ACBD6: variants seen among roughly 807,000 people sequenced by gnomAD.
ACBD6 encodes the protein acyl-CoA-binding domain-containing protein 6.
In ACBD6, 28 loss-of-function variants were observed where a neutral mutation model predicts 37.2. That is an observed-to-expected ratio of 0.75 (90% CI 0.56 to 1.03). ACBD6 has a LOEUF of 1.03. Among genes scored for constraint, ACBD6 ranks in the 50% least tolerant of loss-of-function variants. The pLI is 0.00. For synonymous variants in ACBD6, 113 were observed against 126.8 expected (o/e 0.89, Z 0.73); for missense variants, 340 against 337.4 (o/e 1.01, Z -0.06).
At chr1:180,370,622 A>G (rs774774718) in intron 6 of ACBD6, among the ~76,000 whole-genome samples, 16 of 152,176 alleles carry the variant, frequency 1.1e-4, no homozygotes, top group Non-Finnish European at 2.4e-4. Context: ...ATATACATAT[A>G]AAGTGTATTC....
intron 4 of ACBD6, among the ~76,000 whole-genome samples, chr1:180,426,150 T>C (rs1253571504): frequency 6.6e-6 from 1 of 152,194 alleles, no homozygotes; most frequent in Non-Finnish European, 1.5e-5. Context: ...ATCATTTCAG[T>C]TGTATACTAG....
intron 4 of ACBD6, among the ~76,000 whole-genome samples, chr1:180,414,107 A>G (rs1262887762): frequency 6.6e-6 from 1 of 152,216 alleles, no homozygotes; most frequent in East Asian, 1.9e-4. Context: ...AGTTCTTAAC[A>G]TGACATCTAT....
At chr1:180,288,200 C>A (rs971077878), downstream of ACBD6, 5 of 927,048 alleles carry the variant, frequency 5.4e-6, no homozygotes, top group African/African-American at 5.0e-5. Flanking sequence ...AGAATGTATG[C>A]AAGAAGAATG....
chr1:180,396,116 T>C (rs777440391), intron 6 of ACBD6, among the ~76,000 whole-genome samples: 34 of 151,904 alleles, frequency 2.2e-4, no homozygotes, highest in Non-Finnish European at 4.4e-4. Context: ...AAATAGAAAG[T>C]AGAATGGTAG....
chr1:180,448,049 C>T (rs1251430369), intron 3 of ACBD6, among the ~76,000 whole-genome samples: 1 of 152,132 alleles, frequency 6.6e-6, no homozygotes, highest in East Asian at 1.9e-4. Context: ...TAATAATTTG[C>T]AAAATGCAAA....
At chr1:180,373,481 TGC>T (rs1558271196) in intron 6 of ACBD6, among the ~76,000 whole-genome samples, 1 of 152,194 alleles carries the variant, frequency 6.6e-6, no homozygotes, top group Non-Finnish European at 1.5e-5. Context: ...AGCTGGCTAA[TGC>T]ATAAAATGCA....
intron 6 of ACBD6, among the ~76,000 whole-genome samples, chr1:180,389,074 T>C (rs1377160789): frequency 1.3e-5 from 2 of 152,210 alleles, no homozygotes. Flanking sequence ...TTCATATGTA[T>C]ACATGTGCCA....
chr1:180,410,799 A>G (rs540565784), intron 5 of ACBD6, among the ~76,000 whole-genome samples: 1 of 152,348 alleles, frequency 6.6e-6, no homozygotes, highest in South Asian at 2.1e-4. Context: ...TTTGCAGTCC[A>G]TGGATCAAGG....
intron 5 of ACBD6, among the ~76,000 whole-genome samples, chr1:180,407,575 C>T (rs180946517): frequency 1.3e-5 from 2 of 152,284 alleles, no homozygotes; most frequent in East Asian, 1.9e-4. Context: ...GAGCATAACA[C>T]AGGGAAGGCC....
chr1:180,468,689 G>A (rs568191065), intron 3 of ACBD6, among the ~76,000 whole-genome samples: 19 of 152,040 alleles, frequency 1.2e-4, no homozygotes, highest in Admixed American at 9.8e-4. Context: ...TGTTAATCTC[G>A]GTTCTGCCCT....
At chr1:180,375,035 A>G (rs1181949415) in intron 6 of ACBD6, among the ~76,000 whole-genome samples, 2 of 152,182 alleles carry the variant, frequency 1.3e-5, no homozygotes, top group African/African-American at 4.8e-5. Context: ...GTTTTCCCTA[A>G]CTTATAAATT....
chr1:180,371,937 C>A (rs1359951438), intron 6 of ACBD6, among the ~76,000 whole-genome samples: 1 of 152,170 alleles, frequency 6.6e-6, no homozygotes, highest in Non-Finnish European at 1.5e-5. Context: ...CTCTTCACAC[C>A]TTACAAGGTC....
chr1:180,346,233 A>T (rs1652178793), intron 6 of ACBD6, among the ~76,000 whole-genome samples: 1 of 152,222 alleles, frequency 6.6e-6, no homozygotes. Context: ...AAACATAAAT[A>T]GAAGATTTAG....
rs573026068 is a variant in ACBD6 at position 180,356,239 on chromosome 1, C to T, written c.663+41277G>A. Among the ~76,000 whole-genome samples, 427 of 151,974 alleles carry T rather than the reference C, an allele frequency of 2.8e-3. 1 individual carries two copies. The highest frequency in any genetic ancestry group is 4.9e-3 in the Non-Finnish European group (332 of 67,972). ...AGGCTGGAGTGCAGTGGCATGATCACGACTCACTGCAGCCTTGACCTCCCT... is the reference window on the plus strand; with the variant it reads ...AGGCTGGAGTGCAGTGGCATGATCATGACTCACTGCAGCCTTGACCTCCCT... On this transcript the variant is annotated intron_variant, in intron 6 of 7. Transcript: ENST00000367595.
At chr1:180,348,946 C>CA (rs1435547595) in intron 6 of ACBD6, among the ~76,000 whole-genome samples, 2 of 151,986 alleles carry the variant, frequency 1.3e-5, no homozygotes, top group Non-Finnish European at 2.9e-5. Context: ...GTTAATAGGA[C>CA]AAAATATCAT....
At chr1:180,473,822 C>CAT (rs1476660209) in intron 3 of ACBD6, among the ~76,000 whole-genome samples, 1 of 152,104 alleles carries the variant, frequency 6.6e-6, no homozygotes, top group Non-Finnish European at 1.5e-5. Flanking sequence ...CACATATGCA[C>CAT]ATATACACAC....
chr1:180,329,604 CT>C (rs1474096786), intron 6 of ACBD6, among the ~76,000 whole-genome samples: 1 of 152,054 alleles, frequency 6.6e-6, no homozygotes, highest in Admixed American at 6.5e-5. Flanking sequence ...AGGCTATATT[CT>C]TTTTTTAAAC....
At chr1:180,312,168 C>A (rs920131720) in intron 7 of ACBD6, among the ~76,000 whole-genome samples, 1 of 152,156 alleles carries the variant, frequency 6.6e-6, no homozygotes, top group African/African-American at 2.4e-5. Context: ...TTTGACTTGG[C>A]AGAAATGATC....
exon 14 of ACBD6, chr1:180,271,906 G>A: frequency 6.2e-7 from 1 of 1,613,696 alleles, no homozygotes; most frequent in South Asian, 1.1e-5. Context: ...GCTGGGGGCA[G>A]TTCTATAAGA....
Sources: gnomAD v4.1 joint callset for allele counts (sites outside exome capture counted in the v4.1 genomes callset) on GRCh38, gnomAD v4.1.1 for gene constraint, MANE v1.5 for transcripts, NCBI Gene and HGNC (gene_info 2026-07-23, HGNC 2026-07-21) for gene names.